Variants in CEP112 observed in about 807,000 individuals in gnomAD.
The protein encoded by CEP112 is centrosomal protein 112.
Under a neutral mutation model 153.0 loss-of-function variants are expected in CEP112, and 127 were observed. The observed-to-expected ratio is 0.83, with a 90% CI of 0.72 to 0.96. The LOEUF (loss-of-function observed/expected upper bound fraction) is 0.96. CEP112 is among the 40% of genes least tolerant of loss of function. The pLI, the probability that CEP112 is intolerant of heterozygous loss-of-function variation, is 0.00. For missense variants in CEP112, 1,089 were observed against 1,101.2 expected (o/e 0.99, Z 0.16); for synonymous variants, 358 against 374.4 (o/e 0.96, Z 0.51).
chr17:65,937,481 T>C (rs1248000757), intron 18 of CEP112, among the ~76,000 whole-genome samples: 1 of 115,502 alleles, frequency 8.7e-6, no homozygotes, highest in South Asian at 4.0e-4. Flanking sequence ...GTCTGAGAAG[T>C]GAGGAGACCC....
At chr17:66,046,240 C>T (rs2066202258) in intron 12 of CEP112, among the ~76,000 whole-genome samples, 1 of 152,064 alleles carries the variant, frequency 6.6e-6, no homozygotes, top group South Asian at 2.1e-4. Flanking sequence ...GATGGGGTTT[C>T]ACTGTATTAG....
intron 18 of CEP112, among the ~76,000 whole-genome samples, chr17:65,935,092 A>G (rs896333550): frequency 7.2e-5 from 11 of 152,348 alleles, no homozygotes; most frequent in Admixed American, 2.0e-4. Flanking sequence ...TATGGGGATT[A>G]CAATTTGAGG....
chr17:65,691,769 G>A (rs1428956540), intron 23 of CEP112, among the ~76,000 whole-genome samples: 3 of 152,106 alleles, frequency 2.0e-5, no homozygotes, highest in Non-Finnish European at 1.5e-5. Context: ...TGCATAATTG[G>A]GGAAAGTAAT....
intron 20 of CEP112, among the ~76,000 whole-genome samples, chr17:65,856,909 C>A (rs746093917): frequency 4.6e-5 from 7 of 152,188 alleles, no homozygotes; most frequent in Non-Finnish European, 1.0e-4. Context: ...GCATATTTGT[C>A]ATATTTAGTG....
chr17:65,883,263 C>CATATAT (rs34264279), intron 20 of CEP112, among the ~76,000 whole-genome samples: 1,603 of 146,840 alleles, frequency 0.011, 27 homozygotes, highest in African/African-American at 0.038. Flanking sequence ...AAGAAGTTTA[C>CATATAT]ATATATATAT....
intron 8 of CEP112, among the ~76,000 whole-genome samples, chr17:66,075,018 A>T (rs141685966): frequency 2.4e-4 from 37 of 152,280 alleles, no homozygotes; most frequent in Admixed American, 7.2e-4. Flanking sequence ...AAAAATTCAG[A>T]TGACTTAACT....
At chr17:65,855,089 A>G (rs1333293715) in intron 20 of CEP112, among the ~76,000 whole-genome samples, 1 of 152,192 alleles carries the variant, frequency 6.6e-6, no homozygotes, top group African/African-American at 2.4e-5. Flanking sequence ...ACAATAATAA[A>G]CATAACAAAA....
intron 12 of CEP112, among the ~76,000 whole-genome samples, chr17:66,038,457 G>A (rs1043521385): frequency 6.6e-6 from 1 of 152,066 alleles, no homozygotes; most frequent in African/African-American, 2.4e-5. Context: ...AAAGCCTATA[G>A]GCATATATAA....
intron 21 of CEP112, among the ~76,000 whole-genome samples, chr17:65,798,308 A>G (rs1438300823): frequency 6.6e-6 from 1 of 152,184 alleles, no homozygotes; most frequent in Non-Finnish European, 1.5e-5. Flanking sequence ...TCTCATATGT[A>G]TCTGAGTGAA....
At chr17:65,943,706 T>C (rs913926967) in intron 18 of CEP112, among the ~76,000 whole-genome samples, 1 of 152,184 alleles carries the variant, frequency 6.6e-6, no homozygotes, top group Admixed American at 6.5e-5. Flanking sequence ...GATCTTCTCA[T>C]GGAGTATCTT....
intron 16 of CEP112, among the ~76,000 whole-genome samples, chr17:66,025,782 C>A (rs1568395520): frequency 6.6e-6 from 1 of 152,032 alleles, no homozygotes; most frequent in Non-Finnish European, 1.5e-5. Flanking sequence ...CCATCTGATC[C>A]AGCAATTCCA....
chr17:66,136,111 G>A (rs1053389217), intron 4 of CEP112, among the ~76,000 whole-genome samples: 2 of 152,142 alleles, frequency 1.3e-5, no homozygotes, highest in Non-Finnish European at 2.9e-5. Flanking sequence ...GAATCCTCTT[G>A]CGCCATAAGC....
intron 2 of CEP112, among the ~76,000 whole-genome samples, chr17:66,178,851 C>G (rs1260974607): frequency 6.6e-6 from 1 of 152,002 alleles, no homozygotes; most frequent in African/African-American, 2.4e-5. Context: ...TACGTAATCA[C>G]AGAACAAACT....
intron 19 of CEP112, among the ~76,000 whole-genome samples, chr17:65,925,596 T>C (rs2060895246): frequency 6.6e-6 from 1 of 152,244 alleles, no homozygotes; most frequent in African/African-American, 2.4e-5. Context: ...CAGCATTTTC[T>C]ACGTTTTTAC....
At chr17:65,710,920 A>G (rs958089689) in intron 23 of CEP112, among the ~76,000 whole-genome samples, 12 of 152,232 alleles carry the variant, frequency 7.9e-5, no homozygotes, top group Admixed American at 3.9e-4. Flanking sequence ...GCTTCTGTCT[A>G]AAAACTAATT....
chr17:65,673,039 A>AGCTCAGCTGGAT (rs1318495639), intron 24 of CEP112, among the ~76,000 whole-genome samples: 3 of 152,170 alleles, frequency 2.0e-5, no homozygotes. Flanking sequence ...AGTTTGAGGG[A>AGCTCAGCTGGAT]GCTCAGCTGG....
At position 65,902,293 on chromosome 17, in the gene CEP112, G is replaced by A. The variant is rs2059898870; in HGVS notation, c.2022C>T (p.His674=). 5 of 1,613,712 alleles carry A rather than the reference G, an allele frequency of 3.1e-6. No individual in the cohort carries two copies. In the South Asian group the frequency reaches 3.3e-5, roughly 11 times the overall value. ...TCTCTGCGTTATGCTGCTGTAATAG[G>A]TGCGTCTTCTCCTGTTCATGCTCCA... The part of the protein sequence containing the change: ...LKLEHEQEKT[H]LLQQHNAEKD... Residue 674 remains histidine (H), a synonymous_variant, in exon 20 of 27, where the codon CAC becomes CAT. Transcript: ENST00000535342.
chr17:65,805,177 G>A (rs893278391), intron 21 of CEP112, among the ~76,000 whole-genome samples: 6 of 152,080 alleles, frequency 3.9e-5, no homozygotes, highest in African/African-American at 1.4e-4. Flanking sequence ...GGCAGGAAGA[G>A]TCATAAGTGT....
At chr17:65,935,306 T>A (rs2061267453) in intron 18 of CEP112, among the ~76,000 whole-genome samples, 1 of 152,208 alleles carries the variant, frequency 6.6e-6, no homozygotes, top group Non-Finnish European at 1.5e-5. Context: ...AGAGATAGAC[T>A]GTAATACAAT....
Sources: allele counts gnomAD v4.1 joint callset (sites outside exome capture counted in the v4.1 genomes callset), GRCh38; gene constraint gnomAD v4.1.1; transcripts MANE v1.5; gene names NCBI Gene and HGNC (gene_info 2026-07-23, HGNC 2026-07-21).